GLIS3: variants seen among roughly 807,000 people sequenced by gnomAD.
GLIS3 encodes zinc finger protein GLIS3.
Under a neutral mutation model 78.6 loss-of-function variants are expected in GLIS3, and 53 were observed. That is an observed-to-expected ratio of 0.67 (90% CI 0.54 to 0.85). The LOEUF is 0.85. Among genes scored for constraint, GLIS3 ranks in the 40% least tolerant of loss-of-function variants. GLIS3 has a pLI of 0.00. For synonymous variants in GLIS3, 684 were observed against 509.9 expected, an observed-to-expected ratio of 1.34 and a Z score of -4.60; for missense variants, 1,703 against 1,231.1, an observed-to-expected ratio of 1.38 and a Z score of -5.74.
At chr9:4,282,861 T>C (rs1040450005) in intron 2 of GLIS3, among the ~76,000 whole-genome samples, 6 of 152,162 alleles carry the variant, frequency 3.9e-5, no homozygotes, top group Non-Finnish European at 8.8e-5. Flanking sequence ...GTCCTCAAAA[T>C]GGATCCAAAC....
chr9:4,394,850 C>T, the GLIS3 span, among the ~76,000 whole-genome samples: 1 of 152,158 alleles, frequency 6.6e-6, no homozygotes, highest in African/African-American at 2.4e-5. Flanking sequence ...CCAAATATAG[C>T]CTTGTCTAAC....
chr9:3,841,718 A>AG (rs1320319444), intron 9 of GLIS3, among the ~76,000 whole-genome samples: 2 of 152,158 alleles, frequency 1.3e-5, no homozygotes, highest in Non-Finnish European at 2.9e-5. Context: ...TTTTTCTATG[A>AG]GGGGGAACAC....
intron 4 of GLIS3, among the ~76,000 whole-genome samples, chr9:4,038,529 T>C (rs1824525386): frequency 1.3e-5 from 2 of 152,186 alleles, no homozygotes; most frequent in African/African-American, 4.8e-5. Context: ...CAATACACTT[T>C]CCCAGGCCTC....
At chr9:4,276,032 T>G (rs936562694) in intron 2 of GLIS3, among the ~76,000 whole-genome samples, 1 of 151,380 alleles carries the variant, frequency 6.6e-6, no homozygotes, top group Non-Finnish European at 1.5e-5. Context: ...CCTGTAATCC[T>G]AGCACTTTGG....
intron 4 of GLIS3, among the ~76,000 whole-genome samples, chr9:3,937,822 A>G (rs1825979738): frequency 6.6e-6 from 1 of 152,236 alleles, no homozygotes; most frequent in Admixed American, 6.5e-5. Context: ...AAAGGAAGCT[A>G]AAAGACAATT....
chr9:4,033,861 G>C (rs1588498722), intron 4 of GLIS3, among the ~76,000 whole-genome samples: 2 of 28,024 alleles, frequency 7.1e-5, no homozygotes, highest in African/African-American at 2.5e-4. Flanking sequence ...CATAGGCGAA[G>C]GATAAAAAAA....
chr9:3,876,020 G>T (rs1821285207), intron 8 of GLIS3, among the ~76,000 whole-genome samples: 1 of 152,142 alleles, frequency 6.6e-6, no homozygotes, highest in African/African-American at 2.4e-5. Context: ...CCTGTTTCAT[G>T]CCATGTAACT....
the GLIS3 span, among the ~76,000 whole-genome samples, chr9:4,455,507 G>C: frequency 6.6e-6 from 1 of 152,152 alleles, no homozygotes; most frequent in Non-Finnish European, 1.5e-5. Flanking sequence ...TTCCAGCCCT[G>C]TCACTAAACA....
chr9:4,131,870 C>T (rs1303802025), intron 2 of GLIS3, among the ~76,000 whole-genome samples: 3 of 152,088 alleles, frequency 2.0e-5, no homozygotes, highest in Non-Finnish European at 4.4e-5. Flanking sequence ...TTAACTGCTA[C>T]TGTTGTTATT....
intron 2 of GLIS3, among the ~76,000 whole-genome samples, chr9:4,281,087 G>A (rs184485753): frequency 1.3e-5 from 2 of 151,998 alleles, no homozygotes; most frequent in Admixed American, 1.3e-4. Context: ...TTAGTCGTTT[G>A]AAAAAATAAT....
the GLIS3 span, among the ~76,000 whole-genome samples, chr9:4,354,360 G>C: frequency 6.6e-6 from 1 of 152,118 alleles, no homozygotes; most frequent in Admixed American, 6.5e-5. Context: ...ATGGATGAGG[G>C]TATAAGCACC....
chr9:4,366,521 T>C, the GLIS3 span, among the ~76,000 whole-genome samples: 1 of 152,210 alleles, frequency 6.6e-6, no homozygotes, highest in South Asian at 2.1e-4. Flanking sequence ...TCTGTTTCTT[T>C]CCTGTATTCA....
chr9:3,969,714 C>G (rs1818235332), intron 4 of GLIS3, among the ~76,000 whole-genome samples: 1 of 152,136 alleles, frequency 6.6e-6, no homozygotes, highest in African/African-American at 2.4e-5. Context: ...ATGAAGCTAC[C>G]AAAATAACTT....
rs202090144 is a variant in GLIS3, at chr9:4,338,389, TACACAC to T, written n.264+8686_264+8691del. On this transcript the variant is annotated intron_variant and non_coding_transcript_variant, in intron 2 of 4. Transcript: ENST00000471664. ...GTGTACACACACACACACACACACA[TACACAC>T]ACACACACACACACAATTTTTTAAA... Among the ~76,000 whole-genome samples, 425 of 147,466 alleles carry T rather than the reference TACACAC, an allele frequency of 2.9e-3. 2 individuals carry two copies. Among genetic ancestry groups the T allele is most frequent in the African/African-American group, 9.2e-3 (360 of 39,328 alleles).
intron 7 of GLIS3, among the ~76,000 whole-genome samples, chr9:3,886,736 G>A (rs1215925485): frequency 6.6e-6 from 1 of 152,170 alleles, no homozygotes; most frequent in Non-Finnish European, 1.5e-5. Context: ...TAATTGTGTT[G>A]TCCTTCAATG....
rs117223988 is a variant in GLIS3 at position 3,946,231 on chromosome 9, T to C, written c.1711-9042A>G. Among the ~76,000 whole-genome samples, 267 of 152,356 alleles carry C rather than the reference T, an allele frequency of 1.8e-3. 2 individuals are homozygous for C. Among genetic ancestry groups the C allele is most frequent in the Non-Finnish European group, 2.8e-3 (192 of 68,016 alleles). ...TTTCCCTACTAGGCTGTGAGCTTTA[T>C]AAGAACAAGGTACTGAGTCTTATTA... On this transcript the variant is annotated intron_variant, in intron 4 of 10. Coordinates refer to ENST00000381971, the MANE Select transcript of GLIS3 (RefSeq NM_001042413.2).
At chr9:4,446,107 C>G in the GLIS3 span, among the ~76,000 whole-genome samples, 1 of 152,140 alleles carries the variant, frequency 6.6e-6, no homozygotes, top group East Asian at 1.9e-4. Context: ...CCATGGTTTA[C>G]CAGGCTGTGA....
chr9:4,299,909 G>A lies in GLIS3; in HGVS notation c.-587C>T, dbSNP rs1479974023. On this transcript the variant is annotated 5_prime_UTR_variant, in exon 1 of 11. Transcript: ENST00000381971. Reference sequence around the variant, plus strand: ...CTGGACGGCGCGGACGGCGTACAGGGGGTCCCGGGAGGGGCAGTGGCCGCG... The same window carrying A: ...CTGGACGGCGCGGACGGCGTACAGGAGGTCCCGGGAGGGGCAGTGGCCGCG... The A allele has an allele frequency of 6.6e-6, 1 of 152,156 alleles. No homozygotes were observed. Among genetic ancestry groups the A allele is most frequent in the Admixed American group, 6.5e-5 (1 of 15,282 alleles). 9.4% of individuals were successfully genotyped at this position (152,156 alleles called of 1,614,324 possible). A position where few individuals can be genotyped will look rare whatever the true frequency, so the allele number is the denominator to read the frequency against.
chr9:4,341,125 C>G (rs1443634714), intron 2 of GLIS3, among the ~76,000 whole-genome samples: 5 of 152,210 alleles, frequency 3.3e-5, no homozygotes, highest in African/African-American at 1.2e-4. Flanking sequence ...TTATGTGTTT[C>G]CTTTTTGGGG....
Sources: gnomAD v4.1 joint callset for allele counts (sites outside exome capture counted in the v4.1 genomes callset) on GRCh38, gnomAD v4.1.1 for gene constraint, MANE v1.5 for transcripts, NCBI Gene and HGNC (gene_info 2026-07-23, HGNC 2026-07-21) for gene names.